CCDC122: variants seen among roughly 807,000 people sequenced by gnomAD.
The protein encoded by CCDC122 is coiled-coil domain-containing protein 122.
Under a neutral mutation model 37.0 loss-of-function variants are expected in CCDC122, and 38 were observed. That is an observed-to-expected ratio of 1.03 (90% confidence interval 0.79 to 1.35). The LOEUF (loss-of-function observed/expected upper bound fraction) is 1.35, where lower values mean the gene tolerates loss of function less well. CCDC122 is among the 40% of genes most tolerant of loss of function. CCDC122 has a pLI of 0.00. For synonymous variants in CCDC122, 83 were observed against 95.6 expected (o/e 0.87, Z 0.77); for missense variants, 305 against 310.0 (o/e 0.98, Z 0.12).
chr13:43,868,556 C>A, intron 4 of CCDC122, 138 bp downstream of exon 4: 1 of 465,294 alleles, frequency 2.1e-6, no homozygotes, highest in Non-Finnish European at 3.7e-6. Context: ...GCCATGTAAA[C>A]CTTACTTAGG....
chr13:43,832,333 G>A (rs1441190792), downstream of CCDC122, among the ~76,000 whole-genome samples: 1 of 151,988 alleles, frequency 6.6e-6, no homozygotes, highest in Non-Finnish European at 1.5e-5. Context: ...TCAAAACCAC[G>A]TTCTTCTGAA....
chr13:43,841,819 T>G (rs1953362777), intron 6 of CCDC122, among the ~76,000 whole-genome samples: 1 of 152,178 alleles, frequency 6.6e-6, no homozygotes, highest in Admixed American at 6.5e-5. Context: ...CAAGTGATCC[T>G]CCCACCTCAG....
In CCDC122 at chr13:43,837,204, C is replaced by A; in HGVS notation, c.*76G>T. 7.1e-7 allele frequency: 1 copy of A among 1,404,572 alleles called. No homozygotes were observed. The highest frequency in any genetic ancestry group is 2.2e-5 in the Admixed American group (1 of 45,346). The allele number at this position is 1,404,572 out of a possible 1,614,324, so 87.0% of individuals were successfully genotyped here. ...ATAGTGGATGCTTGTTATTAAGAAT[C>A]CAAAAGATTTTCTTAATGTTCTGTC... On this transcript the variant is annotated 3_prime_UTR_variant, in exon 7 of 7. Coordinates refer to ENST00000444614, the MANE Select transcript of CCDC122 (RefSeq NM_144974.5).
intron 4 of CCDC122, among the ~76,000 whole-genome samples, chr13:43,860,364 A>T (rs544860898): frequency 5.9e-4 from 90 of 152,120 alleles, no homozygotes; most frequent in Non-Finnish European, 7.1e-4. Flanking sequence ...TTACTAATTT[A>T]TTTATAGGCA....
At chr13:43,834,152 C>A (rs926133274), downstream of CCDC122, among the ~76,000 whole-genome samples, 1 of 152,066 alleles carries the variant, frequency 6.6e-6, no homozygotes, top group East Asian at 1.9e-4. Context: ...AGAAATAATG[C>A]CGCATATCTA....
At chr13:43,848,683 C>T (rs891874781) in intron 6 of CCDC122, 1 of 270,688 alleles carries the variant, frequency 3.7e-6, no homozygotes, top group Non-Finnish European at 5.7e-6. Flanking sequence ...ATACTGAAAG[C>T]ATTTACTTGA....
intron 1 of CCDC122, among the ~76,000 whole-genome samples, chr13:43,877,500 TG>T (rs1472466748): frequency 6.6e-6 from 1 of 152,228 alleles, no homozygotes; most frequent in African/African-American, 2.4e-5. Context: ...ACTTATTTCT[TG>T]GCTAGGGGCC....
Position 43,858,891 on chromosome 13 carries a change from TG to T in CCDC122, c.561del (p.Asp187GlufsTer5). The T allele has an allele frequency of 7.1e-7, 1 of 1,402,816 alleles. No individual in the cohort carries two copies. The highest frequency in any genetic ancestry group is 1.8e-4 in the Middle Eastern group (1 of 5,438). 86.9% of individuals were successfully genotyped at this position (1,402,816 alleles called of 1,614,324 possible). A position where few individuals can be genotyped will look rare whatever the true frequency, so the allele number is the denominator to read the frequency against. Reference sequence around the variant, plus strand: ...ATAATTTTATCCTTTAAGTTTGTAATGTCTTCCTGTATGTTGACAACATTTG... The same window carrying T: ...ATAATTTTATCCTTTAAGTTTGTAATTCTTCCTGTATGTTGACAACATTTG... ...GGNRITQVQE[D>X]ITNLKDKIIT... On this transcript the variant is annotated frameshift_variant, in exon 6 of 7. Transcript: ENST00000444614. LOFTEE classifies it high-confidence loss of function.
chr13:43,853,136 A>G (rs1953798793), intron 6 of CCDC122, among the ~76,000 whole-genome samples: 1 of 152,196 alleles, frequency 6.6e-6, no homozygotes, highest in East Asian at 1.9e-4. Context: ...TACACATATC[A>G]ATACTAACCT....
rs1954563194 is a variant in CCDC122, at chr13:43,874,887, T to A, written c.-159A>T. The stretch of plus-strand genomic sequence containing the variant: ...TGAATCTGCTGACACTAGGGATTAC[T>A]TCCTTTTCTGGCCAGGCAATGAGAT... On this transcript the variant is annotated 5_prime_UTR_variant, in exon 2 of 7. In the 5' UTR this introduces an upstream ATG that the reference lacks. Coordinates refer to ENST00000444614, the MANE Select transcript of CCDC122 (RefSeq NM_144974.5). 1.3e-5 allele frequency: 2 copies of A among 152,316 alleles called. No homozygotes were observed. Among genetic ancestry groups the A allele is most frequent in the South Asian group, 4.1e-4 (2 of 4,834 alleles). The allele number at this position is 152,316 out of a possible 1,614,324, so 9.4% of individuals were successfully genotyped here. A position where few individuals can be genotyped will look rare whatever the true frequency, so the allele number is the denominator to read the frequency against.
At chr13:43,857,952 C>A (rs1338066807) in intron 6 of CCDC122, among the ~76,000 whole-genome samples, 1 of 151,950 alleles carries the variant, frequency 6.6e-6, no homozygotes, top group Non-Finnish European at 1.5e-5. Flanking sequence ...ACTCTTTTAC[C>A]ACTGATACAC....
intron 2 of CCDC122, among the ~76,000 whole-genome samples, chr13:43,871,050 G>A (rs1221057039): frequency 2.0e-5 from 3 of 152,024 alleles, no homozygotes; most frequent in Non-Finnish European, 2.9e-5. Flanking sequence ...CCTTACACGT[G>A]GGTTTCAAGT....
At position 43,871,731 on chromosome 13, in the gene CCDC122, A is replaced by G. The variant is rs147560924; in HGVS notation, c.-113-2242T>C. On this transcript the variant is annotated intron_variant, in intron 2 of 6. Transcript: ENST00000444614. Reference sequence around the variant, plus strand: ...GGCTTTAACTGAAGTCCAAAGATACAGCTTCCTCATCCTCAAGCCACTAAG... The same window carrying G: ...GGCTTTAACTGAAGTCCAAAGATACGGCTTCCTCATCCTCAAGCCACTAAG... Among the ~76,000 whole-genome samples the G allele has an allele frequency of 2.9e-4, 44 of 152,276 alleles. No individual in the cohort carries two copies. In the East Asian group the frequency reaches 8.5e-3, roughly 29 times the overall value.
chr13:43,836,852 G>A lies in CCDC122; in HGVS notation c.*428C>T, dbSNP rs1213836845. ...GGCCTGGGCGACAGAGCGAGACTCC[G>A]TCTCAAAAAAAAAAAAAAAAAAAAA... On this transcript the variant is annotated 3_prime_UTR_variant, in exon 7 of 7. Coordinates refer to ENST00000444614, the MANE Select transcript of CCDC122 (RefSeq NM_144974.5). 2 of 58,748 alleles carry A rather than the reference G, an allele frequency of 3.4e-5. No individual in the cohort carries two copies. Among genetic ancestry groups the A allele is most frequent in the Admixed American group, 2.4e-4 (1 of 4,114 alleles). 3.6% of individuals were successfully genotyped at this position (58,748 alleles called of 1,614,324 possible).
downstream of CCDC122, among the ~76,000 whole-genome samples, chr13:43,823,379 T>G (rs1953010047): frequency 6.6e-6 from 1 of 152,116 alleles, no homozygotes; most frequent in African/African-American, 2.4e-5. Flanking sequence ...GAAGTCACTT[T>G]CATCTCTGTG....
chr13:43,825,829 G>C (rs1953035168), intron 3 of CCDC122, among the ~76,000 whole-genome samples: 1 of 151,464 alleles, frequency 6.6e-6, no homozygotes, highest in South Asian at 2.1e-4. Flanking sequence ...TTCCTGTTGG[G>C]TATGTCTTCA....
At chr13:43,826,482 C>A (rs1054890594) in intron 3 of CCDC122, among the ~76,000 whole-genome samples, 6 of 152,102 alleles carry the variant, frequency 3.9e-5, no homozygotes, top group African/African-American at 9.7e-5. Flanking sequence ...GTTAAAGCAG[C>A]CATAATTGTG....
chr13:43,866,788 C>A (rs997479318), intron 4 of CCDC122, among the ~76,000 whole-genome samples: 1 of 152,114 alleles, frequency 6.6e-6, no homozygotes. Context: ...TTATGCCCTG[C>A]AATCTTTCTA....
chr13:43,870,728 G>C (rs1954419974), intron 2 of CCDC122, among the ~76,000 whole-genome samples: 1 of 151,994 alleles, frequency 6.6e-6, no homozygotes, highest in Admixed American at 6.6e-5. Context: ...AGTACAGGGA[G>C]GTACACAAAT....
Sources: allele counts gnomAD v4.1 joint callset (sites outside exome capture counted in the v4.1 genomes callset), GRCh38; gene constraint gnomAD v4.1.1; transcripts MANE v1.5; gene names NCBI Gene and HGNC (gene_info 2026-07-23, HGNC 2026-07-21).